Variants in ROBO2 observed in about 807,000 individuals in gnomAD.
The protein encoded by ROBO2 is roundabout homolog 2.
ROBO2 carries 53 observed loss-of-function variants against 160.8 expected under a neutral mutation model. The ratio of observed to expected loss-of-function variants is 0.33; its 90% CI spans 0.26 to 0.41. ROBO2 has a LOEUF of 0.41. ROBO2 is among the 10% of genes least tolerant of loss of function. The pLI, the probability that ROBO2 is intolerant of heterozygous loss-of-function variation, is 1.00. For missense variants in ROBO2, 1,577 were observed against 1,722.4 expected (o/e 0.92, Z 1.49); for synonymous variants, 664 against 611.7 (o/e 1.09, Z -1.26).
intron 2 of ROBO2, among the ~76,000 whole-genome samples, chr3:77,239,900 G>A (rs554969188): frequency 2.6e-5 from 4 of 152,006 alleles, no homozygotes; most frequent in South Asian, 4.2e-4. Flanking sequence ...AGCTAGATAC[G>A]GAGGGCTGAT....
chr3:76,493,338 TA>T (rs1457411952), intron 2 of ROBO2, among the ~76,000 whole-genome samples: 2 of 7,500 alleles, frequency 2.7e-4, no homozygotes, highest in African/African-American at 7.8e-4. Context: ...GACAAAAAAT[TA>T]TATATATATA....
chr3:76,328,908 T>TTATATATATATATATATA (rs201466987), intron 2 of ROBO2, among the ~76,000 whole-genome samples: 13 of 136,016 alleles, frequency 9.6e-5, no homozygotes, highest in African/African-American at 2.6e-4. Context: ...ATTTATGTTA[T>TTATATATATATATATATA]TATATATATA....
chr3:77,247,854 A>G lies in ROBO2; in HGVS notation c.388+149514A>G, dbSNP rs926196676. Among the ~76,000 whole-genome samples, 5 of 152,188 alleles carry G rather than the reference A, an allele frequency of 3.3e-5. No homozygotes were observed. In the East Asian group the frequency reaches 5.8e-4, roughly 18 times the overall value. On this transcript the variant is annotated intron_variant, in intron 2 of 25. Coordinates refer to ENST00000461745, the Ensembl canonical transcript of ROBO2. Reference sequence around the variant, plus strand: ...TTATTAAATTCATAATACTGATAGGAACAGGATGCAGGGAGATCCTGGGCA... The same window carrying G: ...TTATTAAATTCATAATACTGATAGGGACAGGATGCAGGGAGATCCTGGGCA...
intron 2 of ROBO2, among the ~76,000 whole-genome samples, chr3:77,436,633 T>C (rs1020887590): frequency 1.3e-5 from 2 of 151,784 alleles, no homozygotes; most frequent in African/African-American, 2.4e-5. Context: ...ACCTTCTGAG[T>C]TGATGTAAAA....
chr3:77,313,178 G>A (rs2063693977), intron 2 of ROBO2, among the ~76,000 whole-genome samples: 1 of 152,136 alleles, frequency 6.6e-6, no homozygotes, highest in Admixed American at 6.5e-5. Flanking sequence ...CACTCAGGAT[G>A]GGTTAGAGAT....
intron 2 of ROBO2, among the ~76,000 whole-genome samples, chr3:76,551,386 T>C (rs1438518458): frequency 6.6e-6 from 1 of 152,118 alleles, no homozygotes; most frequent in African/African-American, 2.4e-5. Context: ...TGAGAGCTGT[T>C]CTGTTGCTCA....
intron 2 of ROBO2, among the ~76,000 whole-genome samples, chr3:76,632,583 A>G (rs1239408719): frequency 6.6e-6 from 1 of 152,236 alleles, no homozygotes; most frequent in Non-Finnish European, 1.5e-5. Flanking sequence ...TAGAAGCTGG[A>G]AATGATAAAT....
intron 6 of ROBO2, among the ~76,000 whole-genome samples, chr3:77,542,350 T>G (rs1357793321): frequency 1.3e-5 from 2 of 152,158 alleles, no homozygotes; most frequent in African/African-American, 2.4e-5. Context: ...ACTCTTCAAA[T>G]TTTTTGCTTT....
intron 2 of ROBO2, among the ~76,000 whole-genome samples, chr3:77,236,263 C>T (rs1411346677): frequency 6.6e-6 from 1 of 152,134 alleles, no homozygotes; most frequent in Non-Finnish European, 1.5e-5. Flanking sequence ...GAAAGAAATG[C>T]CTGGGTTACC....
intron 2 of ROBO2, among the ~76,000 whole-genome samples, chr3:76,895,762 T>G (rs2074718820): frequency 6.6e-6 from 1 of 152,332 alleles, no homozygotes; most frequent in Admixed American, 6.5e-5. Flanking sequence ...TGTAGGAAGA[T>G]AGTTTTCATT....
At chr3:76,275,322 G>A (rs1576220138) in intron 2 of ROBO2, among the ~76,000 whole-genome samples, 1 of 152,128 alleles carries the variant, frequency 6.6e-6, no homozygotes, top group Non-Finnish European at 1.5e-5. Context: ...AGGGTACATG[G>A]AGGAAATTCC....
chr3:77,569,621 C>T (rs963433512), intron 13 of ROBO2, among the ~76,000 whole-genome samples: 3 of 151,886 alleles, frequency 2.0e-5, no homozygotes, highest in Non-Finnish European at 2.9e-5. Context: ...TTATCAGATA[C>T]GTAATTTGCA....
chr3:76,913,751 T>G (rs2076133788), intron 2 of ROBO2, among the ~76,000 whole-genome samples: 1 of 152,214 alleles, frequency 6.6e-6, no homozygotes, highest in East Asian at 1.9e-4. Flanking sequence ...CTCCTTTAGA[T>G]GAGTAACTGT....
At chr3:76,050,261 C>T (rs1424041966) in intron 2 of ROBO2, among the ~76,000 whole-genome samples, 2 of 152,082 alleles carry the variant, frequency 1.3e-5, no homozygotes, top group African/African-American at 2.4e-5. Context: ...ATCTTTCTCC[C>T]GTGCTGGATG....
At chr3:77,168,194 G>T (rs1242101929) in intron 2 of ROBO2, among the ~76,000 whole-genome samples, 1 of 152,154 alleles carries the variant, frequency 6.6e-6, no homozygotes, top group Non-Finnish European at 1.5e-5. Context: ...CCAAGCACTT[G>T]GCTTAACATA....
At chr3:77,009,505 G>A (rs1224406079) in intron 2 of ROBO2, among the ~76,000 whole-genome samples, 2 of 151,946 alleles carry the variant, frequency 1.3e-5, no homozygotes, top group Non-Finnish European at 2.9e-5. Flanking sequence ...AAACTATTTT[G>A]GAAACAATGT....
chr3:77,116,496 G>A (rs2074214032), intron 2 of ROBO2, among the ~76,000 whole-genome samples: 3 of 152,058 alleles, frequency 2.0e-5, no homozygotes, highest in Admixed American at 2.0e-4. Context: ...GTGTGATGTA[G>A]CCCTTCCTTG....
At chr3:76,373,347 G>T (rs2108496403) in intron 2 of ROBO2, among the ~76,000 whole-genome samples, 1 of 152,056 alleles carries the variant, frequency 6.6e-6, no homozygotes, top group South Asian at 2.1e-4. Flanking sequence ...AAGGAAGAGG[G>T]TTAGTTCAGC....
chr3:76,665,420 T>A (rs2091980518), intron 2 of ROBO2, among the ~76,000 whole-genome samples: 1 of 152,036 alleles, frequency 6.6e-6, no homozygotes, highest in Non-Finnish European at 1.5e-5. Flanking sequence ...ATATCTGATG[T>A]CAAATGTTGC....
Sources: allele counts gnomAD v4.1 joint callset (sites outside exome capture counted in the v4.1 genomes callset), GRCh38; gene constraint gnomAD v4.1.1; transcripts MANE v1.5; gene names NCBI Gene and HGNC (gene_info 2026-07-23, HGNC 2026-07-21).